VAPB: variants seen among roughly 807,000 people sequenced by gnomAD.
VAPB encodes vesicle-associated membrane protein-associated protein B/C.
A neutral mutation model predicts 25.6 loss-of-function variants in VAPB; 7 were observed. That is an observed-to-expected ratio of 0.27 (90% CI 0.16 to 0.51). The LOEUF is 0.51. Ranked by LOEUF, VAPB falls within the 20% of genes least tolerant of loss-of-function variation. The probability of loss-of-function intolerance (pLI) is 0.97; values close to 1 mark genes in which losing one functional copy is unlikely to be tolerated. For synonymous variants in VAPB, 112 were observed against 109.2 expected (o/e 1.03, Z -0.16); for missense variants, 266 against 301.3 (o/e 0.88, Z 0.87).
intron 2 of VAPB, among the ~76,000 whole-genome samples, chr20:58,428,286 G>C (rs1988851245): frequency 6.6e-6 from 1 of 152,192 alleles, no homozygotes; most frequent in South Asian, 2.1e-4. Context: ...TAGATGAGTA[G>C]TGACCTGGCT....
intron 1 of VAPB, among the ~76,000 whole-genome samples, chr20:58,397,672 T>TATTAAGATAGGAATGTCTAA (rs1987997124): frequency 6.6e-6 from 1 of 152,172 alleles, no homozygotes. Flanking sequence ...AAAGGGCACT[T>TATTAAGATAGGAATGTCTAA]ATTAAGATAG....
intron 1 of VAPB, among the ~76,000 whole-genome samples, chr20:58,399,108 G>A (rs1032723810): frequency 3.3e-5 from 5 of 151,788 alleles, no homozygotes; most frequent in African/African-American, 9.7e-5. Context: ...CGAGACCAGC[G>A]TGACCAACAT....
Position 58,448,707 on chromosome 20 carries a change from A to G in VAPB, c.*4472A>G, listed in dbSNP as rs1458281468. ...TACCTTATTCAGTTATTTTCACACT[A>G]AAGTAAGTAGAATTAAGACTGTAGT... On this transcript the variant is annotated 3_prime_UTR_variant, in exon 6 of 6. Transcript: ENST00000475243. 2.2e-6 allele frequency: 1 copy of G among 453,802 alleles called. No homozygotes were observed. Among genetic ancestry groups the G allele is most frequent in the East Asian group, 7.0e-5 (1 of 14,382 alleles). 28.1% of individuals were successfully genotyped at this position (453,802 alleles called of 1,614,324 possible).
chr20:58,392,836 A>G (rs1987840886), intron 1 of VAPB, among the ~76,000 whole-genome samples: 1 of 152,214 alleles, frequency 6.6e-6, no homozygotes, highest in South Asian at 2.1e-4. Flanking sequence ...GAAGAAAAAG[A>G]ATGCAAATTT....
At chr20:58,411,828 A>C (rs2123045652) in intron 1 of VAPB, among the ~76,000 whole-genome samples, 1 of 152,076 alleles carries the variant, frequency 6.6e-6, no homozygotes, top group Non-Finnish European at 1.5e-5. Flanking sequence ...ACAGGTGCCC[A>C]CCACCACGCC....
chr20:58,434,347 TC>T (rs1356322799), intron 2 of VAPB, among the ~76,000 whole-genome samples: 1 of 152,152 alleles, frequency 6.6e-6, no homozygotes, highest in Non-Finnish European at 1.5e-5. Flanking sequence ...TAGTGAAAGA[TC>T]CATGGACTAG....
rs764656858 is a variant in VAPB at position 58,434,691 on chromosome 20, G to T, written c.301G>T (p.Asp101Tyr). 1 of 1,551,812 alleles carries T rather than the reference G, an allele frequency of 6.4e-7. No homozygotes were observed. The highest frequency in any genetic ancestry group is 1.1e-5 in the South Asian group (1 of 89,794). The change falls in exon 3 of 6, where the codon GAT (aspartate) becomes TAT (tyrosine). Residue 101 changes from aspartate (D) to tyrosine (Y), a missense_variant. This residue lies in a region of VAPB where 98 missense variants were observed against 147.1 expected (regional missense o/e 0.67). Transcript: ENST00000475243. ...QSMFAPTDTS[D>Y]MEAVWKEAKP... ...TATGTTTGCTCCAACTGACACTTCA[G>T]ATATGGAAGCAGTAGTAAGTACTGA...
At chr20:58,439,058 G>A (rs768345911) in intron 4 of VAPB, 33 bp downstream of exon 4, 13 of 1,571,890 alleles carry the variant, frequency 8.3e-6, no homozygotes, top group Non-Finnish European at 1.1e-5. Context: ...ATAATTGAAT[G>A]TTGTAAGCTG....
chr20:58,402,419 C>G (rs1202082886), intron 1 of VAPB, among the ~76,000 whole-genome samples: 1 of 152,182 alleles, frequency 6.6e-6, no homozygotes, highest in Non-Finnish European at 1.5e-5. Flanking sequence ...TCAGCACAGG[C>G]TTCACTTCTT....
chr20:58,409,577 G>A (rs1568703410), intron 1 of VAPB, among the ~76,000 whole-genome samples: 1 of 152,080 alleles, frequency 6.6e-6, no homozygotes, highest in Non-Finnish European at 1.5e-5. Context: ...TTGTTTTTTG[G>A]AGAGGCTGTG....
intron 1 of VAPB, among the ~76,000 whole-genome samples, chr20:58,401,128 T>A (rs1449466382): frequency 6.6e-6 from 1 of 152,222 alleles, no homozygotes; most frequent in Admixed American, 6.5e-5. Flanking sequence ...GGTCGGCTCA[T>A]TTGTATCTTT....
At chr20:58,407,972 C>T (rs377272111) in intron 1 of VAPB, among the ~76,000 whole-genome samples, 2 of 151,946 alleles carry the variant, frequency 1.3e-5, no homozygotes. Flanking sequence ...TTTCAGGTAG[C>T]TTTCCTGAGT....
chr20:58,437,719 A>T (rs1317597460), intron 3 of VAPB, among the ~76,000 whole-genome samples: 3 of 152,056 alleles, frequency 2.0e-5, no homozygotes, highest in Non-Finnish European at 1.5e-5. Context: ...CGATTTTTTC[A>T]CTTAACATTC....
In VAPB at chr20:58,399,685, C is replaced by T. The variant is rs188728497; in HGVS notation, c.58+10168C>T. Among the ~76,000 whole-genome samples the T allele has an allele frequency of 2.0e-5, 3 of 150,184 alleles. No individual in the cohort carries two copies. In the East Asian group the frequency reaches 5.9e-4, roughly 30 times the overall value. On this transcript the variant is annotated intron_variant, in intron 1 of 5. Coordinates refer to ENST00000475243, the MANE Select transcript of VAPB (RefSeq NM_004738.5). ...CTAGCTGAGATTGTGCCTCTGCACT[C>T]CAGCCTGGGCTGAGAGTGAGACCGT...
intron 1 of VAPB, among the ~76,000 whole-genome samples, chr20:58,403,715 A>C (rs1031917585): frequency 2.0e-5 from 3 of 152,232 alleles, no homozygotes; most frequent in African/African-American, 4.8e-5. Flanking sequence ...TCTGCACAGA[A>C]AACTTCCAAA....
At position 58,422,242 on chromosome 20, in the gene VAPB, G is replaced by A. The variant is rs541336170; in HGVS notation, c.211+3879G>A. Among the ~76,000 whole-genome samples the A allele has an allele frequency of 1.6e-4, 24 of 152,258 alleles. No homozygotes were observed. In the South Asian group the frequency reaches 3.9e-3, roughly 25 times the overall value. ...TTGGATGAGGTCACATGGTAGATAG[G>A]GGGTGCAGGGGGCTTTCTGTTTGCA... On this transcript the variant is annotated intron_variant, in intron 2 of 5. Coordinates refer to ENST00000475243, the MANE Select transcript of VAPB (RefSeq NM_004738.5).
Position 58,407,162 on chromosome 20 carries a change from A to G in VAPB, c.59-11049A>G, listed in dbSNP as rs146725507. On this transcript the variant is annotated intron_variant, in intron 1 of 5. Transcript: ENST00000475243. ...ATATACTCCTTTTAGCCATTTTTCT[A>G]TTACGAAAAAAAATCTAGTGTATTA... Among the ~76,000 whole-genome samples the G allele has an allele frequency of 1.3e-3, 197 of 152,298 alleles. 2 individuals carry two copies. The highest frequency in any genetic ancestry group is 4.6e-3 in the African/African-American group (193 of 41,560).
At chr20:58,391,344 G>C (rs928198737) in intron 1 of VAPB, among the ~76,000 whole-genome samples, 1 of 152,190 alleles carries the variant, frequency 6.6e-6, no homozygotes, top group Non-Finnish European at 1.5e-5. Flanking sequence ...CAATGATGTA[G>C]GGTAGTCCAG....
At position 58,389,351 on chromosome 20, in the gene VAPB, A is replaced by C; in HGVS notation, c.-109A>C. 1 of 790,388 alleles carries C rather than the reference A, an allele frequency of 1.3e-6. No homozygotes were observed. Among genetic ancestry groups the C allele is most frequent in the Non-Finnish European group, 1.8e-6 (1 of 544,424 alleles). The allele number at this position is 790,388 out of a possible 1,614,324, so 49.0% of individuals were successfully genotyped here. Reference sequence around the variant, plus strand: ...GTAGAGGACCCCCGCCCGTGCCCCGACCGGTCCCCGCCTTTTTGTAAAACT... The same window carrying C: ...GTAGAGGACCCCCGCCCGTGCCCCGCCCGGTCCCCGCCTTTTTGTAAAACT... On this transcript the variant is annotated 5_prime_UTR_variant, in exon 1 of 6. Coordinates refer to ENST00000475243, the MANE Select transcript of VAPB (RefSeq NM_004738.5).
Sources: allele counts gnomAD v4.1 joint callset (sites outside exome capture counted in the v4.1 genomes callset), GRCh38; gene constraint gnomAD v4.1.1; regional missense constraint gnomAD v4.1.1; transcripts MANE v1.5; gene names NCBI Gene and HGNC (gene_info 2026-07-23, HGNC 2026-07-21).